Variants in TRPC5 observed in about 807,000 individuals in gnomAD.
TRPC5 encodes the protein short transient receptor potential channel 5.
In TRPC5, 9 loss-of-function variants were observed where a neutral mutation model predicts 56.5. The ratio of observed to expected loss-of-function variants is 0.16; its 90% CI spans 0.10 to 0.28. TRPC5 has a LOEUF of 0.28. Ranked by LOEUF, TRPC5 falls within the 10% of genes least tolerant of loss-of-function variation. The pLI is 1.00. For missense variants in TRPC5, 469 were observed against 748.9 expected (o/e 0.63, Z 4.36); for synonymous variants, 282 against 278.5 (o/e 1.01, Z -0.13).
chrX:111,857,094 G>A (rs1459787262), intron 3 of TRPC5, among the ~76,000 whole-genome samples: 1 of 111,547 alleles, frequency 9.0e-6, no homozygotes, highest in Non-Finnish European at 1.9e-5. Flanking sequence ...CACATAGTAA[G>A]GGCTCATTAA....
At chrX:111,855,676 C>T (rs1032434159) in intron 3 of TRPC5, among the ~76,000 whole-genome samples, 3 of 112,370 alleles carry the variant, frequency 2.7e-5, no homozygotes, top group African/African-American at 9.7e-5. Context: ...TGTCCTCACA[C>T]TTCCCTTCCA....
At chrX:111,835,633 A>G (rs1445254590) in intron 6 of TRPC5, among the ~76,000 whole-genome samples, 1 of 111,195 alleles carries the variant, frequency 9.0e-6, no homozygotes, top group African/African-American at 3.3e-5. Context: ...CTAAAAATAC[A>G]AAAAATTAGC....
chrX:111,942,364 C>G (rs1352632447), intron 2 of TRPC5, among the ~76,000 whole-genome samples: 1 of 111,911 alleles, frequency 8.9e-6, no homozygotes, highest in East Asian at 2.8e-4. Flanking sequence ...TGCTGAAACT[C>G]TGTCATCAAT....
At chrX:111,798,099 A>G (rs1489134894) in intron 7 of TRPC5, among the ~76,000 whole-genome samples, 2 of 112,005 alleles carry the variant, frequency 1.8e-5, no homozygotes, top group Non-Finnish European at 3.8e-5. Context: ...ATGCTAGTCT[A>G]TTATATTATT....
intron 1 of TRPC5, among the ~76,000 whole-genome samples, chrX:111,954,560 T>C (rs112667962): frequency 0.037 from 4,133 of 111,604 alleles, 190 homozygotes; most frequent in African/African-American, 0.13. Context: ...TAATAGGATA[T>C]AGGGATTAGA....
intron 1 of TRPC5, among the ~76,000 whole-genome samples, chrX:112,045,257 T>G (rs1929989449): frequency 8.9e-6 from 1 of 111,736 alleles, no homozygotes; most frequent in Admixed American, 9.5e-5. Context: ...AGAGGGAGAT[T>G]TGATGACCTG....
intron 2 of TRPC5, among the ~76,000 whole-genome samples, chrX:111,930,016 A>G (rs1374047484): frequency 8.9e-6 from 1 of 111,996 alleles, no homozygotes; most frequent in African/African-American, 3.2e-5. Context: ...CTGCTCAAAC[A>G]TGTGGTGATA....
chrX:111,920,094 G>A (rs1926086091), intron 2 of TRPC5, among the ~76,000 whole-genome samples: 1 of 111,249 alleles, frequency 9.0e-6, no homozygotes, highest in Non-Finnish European at 1.9e-5. Flanking sequence ...GGCCAACATG[G>A]TGAAACCCCA....
At chrX:111,838,488 T>C (rs1353113989) in intron 6 of TRPC5, among the ~76,000 whole-genome samples, 1 of 110,985 alleles carries the variant, frequency 9.0e-6, no homozygotes, top group Non-Finnish European at 1.9e-5. Context: ...GCTGGGTCTA[T>C]AATAAAGTCA....
At chrX:111,871,040 A>G (rs954306345) in intron 3 of TRPC5, among the ~76,000 whole-genome samples, 1 of 111,797 alleles carries the variant, frequency 8.9e-6, no homozygotes, top group Non-Finnish European at 1.9e-5. Flanking sequence ...TTCAGGATGA[A>G]ATCAGAATGA....
At chrX:112,038,925 C>T (rs1384770930) in intron 1 of TRPC5, among the ~76,000 whole-genome samples, 1 of 106,095 alleles carries the variant, frequency 9.4e-6, no homozygotes, top group Admixed American at 1.0e-4. Flanking sequence ...CTCCTGACCT[C>T]GTGATCTGCC....
At chrX:111,947,766 T>A (rs1195727417) in intron 2 of TRPC5, among the ~76,000 whole-genome samples, 1 of 112,348 alleles carries the variant, frequency 8.9e-6, no homozygotes, top group African/African-American at 3.2e-5. Context: ...TCATTAAATA[T>A]ACATTTATGA....
At chrX:111,927,407 AGAAGG>A (rs1430922514) in intron 2 of TRPC5, among the ~76,000 whole-genome samples, 2 of 112,445 alleles carry the variant, frequency 1.8e-5, no homozygotes, top group African/African-American at 6.5e-5. Context: ...TACAAGATTC[AGAAGG>A]GACCAGCATC....
intron 3 of TRPC5, among the ~76,000 whole-genome samples, chrX:111,867,928 C>T (rs6567985): frequency 0.099 from 11,057 of 111,811 alleles, 1,296 homozygotes; most frequent in African/African-American, 0.33. Context: ...TACACAGAAC[C>T]TTCTAAGTTT....
chrX:111,968,270 AT>A (rs2148646852), intron 1 of TRPC5, among the ~76,000 whole-genome samples: 1 of 111,475 alleles, frequency 9.0e-6, no homozygotes, highest in African/African-American at 3.3e-5. Context: ...CAAAACCACA[AT>A]GAGATACCAT....
intron 6 of TRPC5, among the ~76,000 whole-genome samples, chrX:111,839,808 C>T (rs1048981255): frequency 7.2e-5 from 8 of 110,869 alleles, no homozygotes; most frequent in Non-Finnish European, 1.1e-4. Context: ...TTTTGAACTC[C>T]TGGGCTCAAG....
intron 2 of TRPC5, among the ~76,000 whole-genome samples, chrX:111,940,638 C>G (rs887248571): frequency 1.2e-4 from 12 of 100,391 alleles, no homozygotes; most frequent in Non-Finnish European, 2.2e-4. Context: ...TTGCAGTGAG[C>G]AGAGATCATA....
At chrX:111,876,487 A>C (rs777143413) in intron 3 of TRPC5, among the ~76,000 whole-genome samples, 3 of 111,899 alleles carry the variant, frequency 2.7e-5, no homozygotes, top group African/African-American at 9.7e-5. Context: ...ACTGATATAA[A>C]CATCGTTTAT....
chrX:112,013,635 C>T (rs1211693215), intron 1 of TRPC5, among the ~76,000 whole-genome samples: 3 of 111,696 alleles, frequency 2.7e-5, no homozygotes, highest in African/African-American at 9.8e-5. Context: ...ACTCCTGCTT[C>T]CTTCATTGTA....
Sources: allele counts gnomAD v4.1 joint callset (sites outside exome capture counted in the v4.1 genomes callset), GRCh38; gene constraint gnomAD v4.1.1; transcripts MANE v1.5; gene names NCBI Gene and HGNC (gene_info 2026-07-23, HGNC 2026-07-21).